Variants in HPGDS observed in about 807,000 individuals in gnomAD.
The protein encoded by HPGDS is hematopoietic prostaglandin D synthase.
A neutral mutation model predicts 23.1 loss-of-function variants in HPGDS; 26 were observed. The observed-to-expected ratio is 1.13, with a 90% CI of 0.83 to 1.56. HPGDS has a LOEUF of 1.56. HPGDS is among the 40% of genes most tolerant of loss of function. The probability of loss-of-function intolerance (pLI) is 0.00; values close to 1 mark genes in which losing one functional copy is unlikely to be tolerated. For missense variants in HPGDS, 268 were observed against 236.4 expected, an observed-to-expected ratio of 1.13 and a Z score of -0.88; for synonymous variants, 95 against 77.9, an observed-to-expected ratio of 1.22 and a Z score of -1.16.
At chr4:94,336,456 C>G (rs11938688) in intron 1 of HPGDS, among the ~76,000 whole-genome samples, 5,741 of 152,172 alleles carry the variant, frequency 0.038, 353 homozygotes, top group African/African-American at 0.13. Flanking sequence ...TGGAGTGAAG[C>G]TGGTGCTCCT....
chr4:94,301,454 A>T (rs1289355454), intron 5 of HPGDS, among the ~76,000 whole-genome samples: 1 of 152,320 alleles, frequency 6.6e-6, no homozygotes, highest in Middle Eastern at 3.4e-3. Context: ...GAATACTTTC[A>T]TGAAGACAAA....
intron 2 of HPGDS, among the ~76,000 whole-genome samples, chr4:94,319,054 G>T (rs536567284): frequency 1.3e-5 from 2 of 152,220 alleles, no homozygotes; most frequent in African/African-American, 4.8e-5. Context: ...GGTCCATTTG[G>T]TCTCTAGCGC....
At chr4:94,328,829 T>G (rs1486598372) in intron 2 of HPGDS, among the ~76,000 whole-genome samples, 1 of 152,136 alleles carries the variant, frequency 6.6e-6, no homozygotes, top group Admixed American at 6.5e-5. Context: ...AGAGAGAAAA[T>G]AATAAAGTGC....
rs571259928 is a variant in HPGDS at position 94,322,877 on chromosome 4, T to C, written c.134-4912A>G. Among the ~76,000 whole-genome samples, 10 of 152,158 alleles carry C rather than the reference T, an allele frequency of 6.6e-5. No homozygotes were observed. In the East Asian group the frequency reaches 7.7e-4, roughly 12 times the overall value. ...GTTAGGGTGTCAATTTCAGATCTTT[T>C]CTGCTTTCTCTTGTGGGCATTTAGT... On this transcript the variant is annotated intron_variant, in intron 2 of 5. Transcript: ENST00000295256.
At chr4:94,309,923 G>A (rs1756226171) in intron 3 of HPGDS, among the ~76,000 whole-genome samples, 1 of 152,176 alleles carries the variant, frequency 6.6e-6, no homozygotes, top group East Asian at 1.9e-4. Flanking sequence ...CTGCATAAAT[G>A]TCTTCTTTTG....
Position 94,340,311 on chromosome 4 carries a change from C to CTTTTTCTTTTCTTTTTTTTTTTTTTT in HPGDS, c.-10+2483_-10+2484insAAAAAAAAAAAAAAAGAAAAGAAAAA, listed in dbSNP as rs1560598005. Among the ~76,000 whole-genome samples, 23 of 23,686 alleles carry CTTTTTCTTTTCTTTTTTTTTTTTTTT rather than the reference C, an allele frequency of 9.7e-4. 2 individuals are homozygous for CTTTTTCTTTTCTTTTTTTTTTTTTTT. The highest frequency in any genetic ancestry group is 0.038 in the Middle Eastern group (1 of 26). The allele number at this position is 23,686 out of a possible 152,430, so 15.5% of individuals were successfully genotyped here. ...TTTCTTTCTTTCTTTCTTTCTTTCT[C>CTTTTTCTTTTCTTTTTTTTTTTTTTT]TTTTTTTTTTTTTTTTTTTTTTTTT... On this transcript the variant is annotated intron_variant, in intron 1 of 5. Coordinates refer to ENST00000295256, the MANE Select transcript of HPGDS (RefSeq NM_014485.3).
At chr4:94,313,514 G>T (rs1386756345) in intron 3 of HPGDS, among the ~76,000 whole-genome samples, 4 of 152,220 alleles carry the variant, frequency 2.6e-5, no homozygotes, top group African/African-American at 9.6e-5. Flanking sequence ...TCAGCTGTTA[G>T]TCTGATGGGC....
At chr4:94,335,480 G>T (rs983683233) in intron 1 of HPGDS, among the ~76,000 whole-genome samples, 11 of 152,196 alleles carry the variant, frequency 7.2e-5, no homozygotes, top group Non-Finnish European at 1.0e-4. Context: ...AATTTCGTAA[G>T]ATCAAACAAC....
chr4:94,327,662 C>G (rs1189778274), intron 2 of HPGDS, among the ~76,000 whole-genome samples: 1 of 152,164 alleles, frequency 6.6e-6, no homozygotes, highest in Non-Finnish European at 1.5e-5. Flanking sequence ...GCAGGCAGCT[C>G]TCAGACTCTG....
intron 3 of HPGDS, among the ~76,000 whole-genome samples, chr4:94,312,559 C>CTATG (rs1184990429): frequency 6.6e-6 from 1 of 152,152 alleles, no homozygotes; most frequent in African/African-American, 2.4e-5. Context: ...TTACTTCCAA[C>CTATG]TATGTGGTCA....
rs535935674 is a variant in HPGDS, at chr4:94,311,893, C to T, written c.227-3150G>A. Among the ~76,000 whole-genome samples the T allele has an allele frequency of 1.4e-3, 213 of 151,504 alleles. 2 individuals are homozygous for T. The highest frequency in any genetic ancestry group is 2.7e-3 in the Non-Finnish European group (181 of 68,010). ...AGGGTGTATGTGTCGAGGAATGTAT[C>T]CATTTCTTCTAGATTTTCTAGTTTA... On this transcript the variant is annotated intron_variant, in intron 3 of 5. Transcript: ENST00000295256.
At chr4:94,323,773 A>C (rs895844412) in intron 2 of HPGDS, among the ~76,000 whole-genome samples, 4 of 152,090 alleles carry the variant, frequency 2.6e-5, no homozygotes, top group Admixed American at 1.3e-4. Context: ...ATTTAAGGTT[A>C]ATATTGTTAT....
intron 3 of HPGDS, among the ~76,000 whole-genome samples, chr4:94,312,089 G>A (rs530690254): frequency 1.8e-4 from 27 of 152,126 alleles, no homozygotes; most frequent in African/African-American, 4.8e-4. Flanking sequence ...CAAAAAATAA[G>A]CTCCTGGATT....
At chr4:94,299,942 G>A (rs1043902772) in intron 5 of HPGDS, among the ~76,000 whole-genome samples, 4 of 152,278 alleles carry the variant, frequency 2.6e-5, no homozygotes, top group Middle Eastern at 3.4e-3. Flanking sequence ...CCACCTCTCT[G>A]TGACAATACA....
chr4:94,299,503 G>T lies in HPGDS; in HGVS notation c.577C>A (p.Arg193=). 1 of 1,613,190 alleles carries T rather than the reference G, an allele frequency of 6.2e-7. No homozygotes were observed. The highest frequency in any genetic ancestry group is 1.1e-5 in the South Asian group (1 of 90,976). ...AGCTAGAGTTTGGTTTGGGGCCTTC[G>T]TTTTATCCAGTTAGCGACGGCAGGA... ...AIPAVANWIK[R]RPQTKL Residue 193 remains arginine, a synonymous_variant, in exon 6 of 6, where the codon CGA becomes AGA. Transcript: ENST00000295256.
chr4:94,302,316 T>C, intron 4 of HPGDS, 72 bp from the exon 5 acceptor site: 1 of 999,518 alleles, frequency 1.0e-6, no homozygotes, highest in Non-Finnish European at 1.5e-6. Flanking sequence ...AGGAAGTAGA[T>C]TTCTCCATCT....
chr4:94,316,339 A>G (rs972168759), intron 3 of HPGDS, among the ~76,000 whole-genome samples: 4 of 152,178 alleles, frequency 2.6e-5, no homozygotes, highest in Admixed American at 2.6e-4. Context: ...TGCCTTCCAC[A>G]TGGCAACGTC....
At chr4:94,332,692 A>G (rs1756755613) in intron 2 of HPGDS, among the ~76,000 whole-genome samples, 1 of 152,246 alleles carries the variant, frequency 6.6e-6, no homozygotes, top group Admixed American at 6.5e-5. Flanking sequence ...CAAAGGGGTC[A>G]AGAAAAATTC....
At chr4:94,304,231 A>G (rs914318252) in intron 4 of HPGDS, among the ~76,000 whole-genome samples, 1 of 152,080 alleles carries the variant, frequency 6.6e-6, no homozygotes, top group African/African-American at 2.4e-5. Flanking sequence ...ATGCACTACC[A>G]AAATTATTTT....
Sources: gnomAD v4.1 joint callset for allele counts (sites outside exome capture counted in the v4.1 genomes callset) on GRCh38, gnomAD v4.1.1 for gene constraint, MANE v1.5 for transcripts, NCBI Gene and HGNC (gene_info 2026-07-23, HGNC 2026-07-21) for gene names.